The following MEMO1 variants were observed in gnomAD, a reference collection of about 807,000 sequenced individuals.
MEMO1 encodes mediator of cell motility 1, also known as protein MEMO1.
A neutral mutation model predicts 45.2 loss-of-function variants in MEMO1; 6 were observed. That is an observed-to-expected ratio of 0.13 (90% confidence interval 0.07 to 0.26). The LOEUF is 0.26. Ranked by LOEUF, MEMO1 falls within the 10% of genes least tolerant of loss-of-function variation. The pLI is 1.00. For synonymous variants in MEMO1, 78 were observed against 124.3 expected (o/e 0.63, Z 2.48); for missense variants, 184 against 370.5 (o/e 0.50, Z 4.13).
intron 6 of MEMO1, among the ~76,000 whole-genome samples, chr2:31,908,272 C>T (rs905507870): frequency 3.3e-5 from 5 of 152,114 alleles, no homozygotes; most frequent in East Asian, 1.9e-4. Flanking sequence ...ACAGAATGCA[C>T]TGAATCTTCC....
At chr2:31,984,455 G>A (rs1352993929) in intron 2 of MEMO1, among the ~76,000 whole-genome samples, 1 of 152,172 alleles carries the variant, frequency 6.6e-6, no homozygotes, top group Non-Finnish European at 1.5e-5. Flanking sequence ...GATCAGAGAA[G>A]ACTAAAGACA....
intron 2 of MEMO1, among the ~76,000 whole-genome samples, chr2:31,969,243 G>T (rs1212679542): frequency 1.3e-5 from 2 of 151,266 alleles, no homozygotes; most frequent in Non-Finnish European, 2.9e-5. Flanking sequence ...ACTGGTAAGT[G>T]ATTTAAGCAG....
chr2:31,881,034 A>T (rs1675280569), intron 8 of MEMO1, among the ~76,000 whole-genome samples: 1 of 149,858 alleles, frequency 6.7e-6, no homozygotes, highest in Non-Finnish European at 1.5e-5. Context: ...ACAAAAAAAT[A>T]AAAAAAGAAA....
Position 31,916,216 on chromosome 2 carries a change from C to T in MEMO1, c.437+1710G>A, listed in dbSNP as rs561302061. The stretch of plus-strand genomic sequence containing the variant: ...AGGATATTGTTGTCAGTTTATTGGT[C>T]TTATTGTTTTTTGGGTTTGTTTGTT... On this transcript the variant is annotated intron_variant, in intron 6 of 9. Transcript: ENST00000404530. Among the ~76,000 whole-genome samples the T allele has an allele frequency of 3.3e-5, 5 of 152,028 alleles. 2 individuals carry two copies. The highest frequency in any genetic ancestry group is 1.2e-4 in the African/African-American group (5 of 41,466).
At chr2:31,987,821 T>TAAA (rs560108022) in intron 2 of MEMO1, among the ~76,000 whole-genome samples, 3 of 152,098 alleles carry the variant, frequency 2.0e-5, no homozygotes, top group African/African-American at 4.8e-5. Context: ...TAGTGTATGG[T>TAAA]AAAAAAAGCA....
At chr2:31,936,521 A>G (rs1664943276) in intron 3 of MEMO1, among the ~76,000 whole-genome samples, 1 of 152,214 alleles carries the variant, frequency 6.6e-6, no homozygotes, top group Non-Finnish European at 1.5e-5. Flanking sequence ...TCCTGACACC[A>G]GAATTTCTGT....
intron 2 of MEMO1, among the ~76,000 whole-genome samples, chr2:31,970,722 C>T (rs952831071): frequency 6.6e-6 from 1 of 151,690 alleles, no homozygotes; most frequent in Non-Finnish European, 1.5e-5. Context: ...CAAAGATATT[C>T]AGCCGGCACG....
intron 2 of MEMO1, among the ~76,000 whole-genome samples, chr2:31,983,294 A>T (rs1670877560): frequency 6.6e-6 from 1 of 152,122 alleles, no homozygotes; most frequent in Non-Finnish European, 1.5e-5. Flanking sequence ...TATACATAAA[A>T]ATGGATAGAT....
At chr2:31,963,325 T>C (rs189168887) in intron 2 of MEMO1, 12 of 1,414,604 alleles carry the variant, frequency 8.5e-6, no homozygotes, top group Middle Eastern at 2.6e-4. Context: ...GATACAAATA[T>C]AGTTATAAAG....
intron 2 of MEMO1, among the ~76,000 whole-genome samples, chr2:31,987,166 G>A (rs1193560873): frequency 6.6e-6 from 1 of 151,992 alleles, no homozygotes; most frequent in African/African-American, 2.4e-5. Flanking sequence ...ATAATGCCTG[G>A]CTAATTTTTT....
rs34487390 is a variant in MEMO1, at chr2:31,933,317, TAAAAAAAAAAAAAA to T, written c.144-1196_144-1183del. Reference sequence around the variant, plus strand: ...ATGACAGAGCGAGATACCACCTCTTTAAAAAAAAAAAAAAAAAAAAAAAAAAAAAAAATTTATAT... The same window carrying T: ...ATGACAGAGCGAGATACCACCTCTTTAAAAAAAAAAAAAAAAAATTTATAT... On this transcript the variant is annotated intron_variant, in intron 3 of 9. Coordinates refer to ENST00000404530, the MANE Select transcript of MEMO1 (RefSeq NM_001301833.4). Among the ~76,000 whole-genome samples the T allele has an allele frequency of 5.5e-3, 132 of 24,084 alleles. 1 individual carries two copies. The highest frequency in any genetic ancestry group is 0.021 in the African/African-American group (120 of 5,598). The allele number at this position is 24,084 out of a possible 152,430, so 15.8% of individuals were successfully genotyped here.
intron 2 of MEMO1, among the ~76,000 whole-genome samples, chr2:31,969,363 G>A (rs893745622): frequency 3.4e-5 from 5 of 146,790 alleles, no homozygotes; most frequent in African/African-American, 5.1e-5. Context: ...TATATGTTAC[G>A]TGTATATATA....
chr2:31,892,288 A>C (rs1056183206), intron 6 of MEMO1, among the ~76,000 whole-genome samples, 154 bp from the exon 7 acceptor site: 2 of 152,212 alleles, frequency 1.3e-5, no homozygotes, highest in Non-Finnish European at 2.9e-5. Context: ...CATAAATTAA[A>C]TGTTTAAAGG....
intron 2 of MEMO1, among the ~76,000 whole-genome samples, chr2:32,009,031 T>A (rs1182510272): frequency 6.6e-6 from 1 of 152,172 alleles, no homozygotes; most frequent in Non-Finnish European, 1.5e-5. Context: ...GACTGAAGAC[T>A]ATGAGGAATC....
At chr2:31,943,278 A>G (rs1665824426) in intron 3 of MEMO1, 24 bp downstream of exon 3, 5 of 1,592,406 alleles carry the variant, frequency 3.1e-6, no homozygotes, top group African/African-American at 2.7e-5. Context: ...AAACAAAACA[A>G]AAACAAAAAC....
At chr2:31,939,474 C>T (rs1227232834) in intron 3 of MEMO1, among the ~76,000 whole-genome samples, 2 of 152,092 alleles carry the variant, frequency 1.3e-5, no homozygotes, top group Admixed American at 6.6e-5. Flanking sequence ...AAATTAATTA[C>T]AAAAAGGAAA....
At chr2:31,956,810 T>C (rs1285255108) in intron 2 of MEMO1, among the ~76,000 whole-genome samples, 1 of 152,222 alleles carries the variant, frequency 6.6e-6, no homozygotes, top group African/African-American at 2.4e-5. Flanking sequence ...CATGATTATG[T>C]ATTGGTTTGT....
At chr2:31,975,694 A>C (rs1162973763) in intron 2 of MEMO1, among the ~76,000 whole-genome samples, 1 of 152,214 alleles carries the variant, frequency 6.6e-6, no homozygotes, top group African/African-American at 2.4e-5. Context: ...TGTCCAAATA[A>C]GCATTAGTGC....
At chr2:31,975,215 G>C (rs924131396) in intron 2 of MEMO1, among the ~76,000 whole-genome samples, 2 of 152,062 alleles carry the variant, frequency 1.3e-5, no homozygotes, top group East Asian at 1.9e-4. Flanking sequence ...TTCCTACTTA[G>C]TCTGCAAAAG....
Sources: gnomAD v4.1 joint callset for allele counts (sites outside exome capture counted in the v4.1 genomes callset) on GRCh38, gnomAD v4.1.1 for gene constraint, MANE v1.5 for transcripts, NCBI Gene and HGNC (gene_info 2026-07-23, HGNC 2026-07-21) for gene names.